ZFPM1: variants seen among roughly 807,000 people sequenced by gnomAD.
ZFPM1 encodes the protein zinc finger protein ZFPM1.
ZFPM1 carries 28 observed loss-of-function variants against 46.3 expected under a neutral mutation model. The observed-to-expected ratio is 0.60, with a 90% CI of 0.45 to 0.83. The LOEUF is 0.83. ZFPM1 is among the 40% of genes least tolerant of loss of function. ZFPM1 has a pLI of 0.00. For synonymous variants in ZFPM1, 957 were observed against 675.9 expected (o/e 1.42, Z -6.45); for missense variants, 1,878 against 1,432.4 (o/e 1.31, Z -5.02).
At chr16:88,528,686 G>A (rs776491215) in intron 6 of ZFPM1, among the ~76,000 whole-genome samples, 17 of 152,242 alleles carry the variant, frequency 1.1e-4, no homozygotes, top group Non-Finnish European at 1.6e-4. Context: ...ACTAGGTGCT[G>A]CCACCACCTC....
At chr16:88,532,749 TC>T (rs747958373) in intron 8 of ZFPM1, 39 bp from the exon 9 acceptor site, 5 of 1,612,500 alleles carry the variant, frequency 3.1e-6, no homozygotes, top group Non-Finnish European at 4.2e-6. Context: ...GGGTCCCGCC[TC>T]CCCGCCCTGG....
At chr16:88,492,117 C>T (rs1909614775) in intron 3 of ZFPM1, among the ~76,000 whole-genome samples, 1 of 151,992 alleles carries the variant, frequency 6.6e-6, no homozygotes, top group African/African-American at 2.4e-5. Flanking sequence ...CGCCTTCTCC[C>T]TCTCTCCCTT....
intron 7 of ZFPM1, 39 bp downstream of exon 7, chr16:88,532,274 G>A: frequency 6.5e-7 from 1 of 1,539,410 alleles, no homozygotes; most frequent in South Asian, 1.2e-5. Context: ...CAGGATGCCG[G>A]CTGCTTCCCC....
intron 3 of ZFPM1, 96 bp downstream of exon 3, chr16:88,489,249 C>T (rs911185451): frequency 2.7e-6 from 4 of 1,468,814 alleles, no homozygotes; most frequent in Non-Finnish European, 2.7e-6. Context: ...GGCAGGTGTG[C>T]AGGTTGCTGG....
intron 6 of ZFPM1, chr16:88,530,296 T>C (rs1993993): frequency 0.82 from 124,063 of 152,156 alleles, 52,391 homozygotes; most frequent in Non-Finnish European, 0.92. Context: ...TCCCAGTCCC[T>C]GAGGGGCAGC....
chr16:88,523,039 C>A (rs1912022154), intron 4 of ZFPM1, among the ~76,000 whole-genome samples: 1 of 152,160 alleles, frequency 6.6e-6, no homozygotes, highest in Admixed American at 6.5e-5. Context: ...AACCCCGTCC[C>A]TACTTAAACT....
intron 5 of ZFPM1, among the ~76,000 whole-genome samples, chr16:88,527,147 G>A (rs1208463740): frequency 2.0e-5 from 3 of 152,178 alleles, no homozygotes; most frequent in Non-Finnish European, 2.9e-5. Context: ...GCCAGGACAG[G>A]TGTCCGTGGC....
At chr16:88,459,790 C>T (rs1189334457) in intron 1 of ZFPM1, among the ~76,000 whole-genome samples, 4 of 116,174 alleles carry the variant, frequency 3.4e-5, no homozygotes, top group East Asian at 5.2e-4. Context: ...CCTCCTCCTC[C>T]CCCTCTTCCT....
Position 88,534,557 on chromosome 16 carries a change from G to A in ZFPM1, c.2599G>A (p.Gly867Arg). 7.4e-6 allele frequency: 10 copies of A among 1,345,144 alleles called. No homozygotes were observed. Among genetic ancestry groups the A allele is most frequent in the Non-Finnish European group, 9.5e-6 (10 of 1,050,252 alleles). The allele number at this position is 1,345,144 out of a possible 1,614,324, so 83.3% of individuals were successfully genotyped here. A position where few individuals can be genotyped will look rare whatever the true frequency, so the allele number is the denominator to read the frequency against. ...PYCPPNGPVR[G>R]DLLEHFRLAH... ...CTGCCCCCCGAACGGCCCGGTGCGC[G>A]GGGACCTGCTGGAGCATTTCCGCCT... Residue 867 changes from glycine (G) to arginine (R), a missense_variant, in exon 10 of 10, where the codon GGG (glycine) becomes AGG (arginine). Physicochemically the swap from Gly to Arg is moderately radical, Grantham distance 125. Coordinates refer to ENST00000319555, the MANE Select transcript of ZFPM1 (RefSeq NM_153813.3).
chr16:88,504,657 C>T (rs1029425529), intron 3 of ZFPM1, among the ~76,000 whole-genome samples: 14 of 152,182 alleles, frequency 9.2e-5, no homozygotes, highest in Admixed American at 3.3e-4. Flanking sequence ...ACATGGCCCC[C>T]CTGTGTACCG....
intron 3 of ZFPM1, among the ~76,000 whole-genome samples, chr16:88,491,437 C>T (rs1450725378): frequency 1.3e-5 from 2 of 152,230 alleles, no homozygotes; most frequent in African/African-American, 2.4e-5. Context: ...TGACCCAAGT[C>T]TCTGGAGGAG....
rs1913142036 is a variant in ZFPM1 at position 88,534,681 on chromosome 16, C to T, written c.2723C>T (p.Ala908Val). Residue 908 changes from alanine to valine, a missense_variant, in exon 10 of 10, where the codon GCC becomes GTC. Ala to Val is a moderately conservative substitution (Grantham distance 64, BLOSUM62 0). Transcript: ENST00000319555. ...RGPSPAPAPAASPQPGSRGPR... is the reference protein window; with the variant it reads ...RGPSPAPAPAVSPQPGSRGPR... Reference sequence around the variant, plus strand: ...CCCTCGCCCGCTCCCGCCCCCGCCGCCTCCCCGCAGCCCGGGTCCCGTGGC... The same window carrying T: ...CCCTCGCCCGCTCCCGCCCCCGCCGTCTCCCCGCAGCCCGGGTCCCGTGGC... The T allele has an allele frequency of 1.2e-5, 12 of 990,042 alleles. No individual in the cohort carries two copies. Among genetic ancestry groups the T allele is most frequent in the Non-Finnish European group, 1.4e-5 (12 of 834,780 alleles). The allele number at this position is 990,042 out of a possible 1,614,324, so 61.3% of individuals were successfully genotyped here.
intron 1 of ZFPM1, among the ~76,000 whole-genome samples, chr16:88,456,372 T>C (rs1907561706): frequency 6.6e-6 from 1 of 151,848 alleles, no homozygotes; most frequent in South Asian, 2.1e-4. Context: ...AAGAACCAAG[T>C]GTACACTGCT....
intron 3 of ZFPM1, among the ~76,000 whole-genome samples, chr16:88,511,543 C>A (rs942674363): frequency 6.6e-6 from 1 of 152,190 alleles, no homozygotes; most frequent in African/African-American, 2.4e-5. Context: ...CACCCTCACT[C>A]ACGGACACTT....
intron 1 of ZFPM1, among the ~76,000 whole-genome samples, chr16:88,461,184 G>A (rs1197002643): frequency 1.3e-4 from 11 of 83,654 alleles, no homozygotes; most frequent in African/African-American, 2.4e-4. Flanking sequence ...ACCGAGGGGC[G>A]GGGCGGGAGG....
intron 6 of ZFPM1, 56 bp downstream of exon 6, chr16:88,528,294 A>G (rs1470763584): frequency 2.1e-6 from 3 of 1,404,466 alleles, no homozygotes; most frequent in Non-Finnish European, 2.9e-6. Context: ...AGGAGCAGGC[A>G]GGGCAGGAGA....
At chr16:88,476,934 C>G (rs1334662729) in intron 1 of ZFPM1, among the ~76,000 whole-genome samples, 2 of 152,238 alleles carry the variant, frequency 1.3e-5, no homozygotes, top group Admixed American at 6.5e-5. Context: ...CCCTGGCCCC[C>G]CAAGGGCAGT....
chr16:88,486,183 A>C, intron 2 of ZFPM1, 140 bp downstream of exon 2: 8 of 907,610 alleles, frequency 8.8e-6, no homozygotes, highest in Non-Finnish European at 1.3e-5. Flanking sequence ...TCTTCCAGCC[A>C]GAGGCCTGTT....
intron 1 of ZFPM1, among the ~76,000 whole-genome samples, chr16:88,460,691 C>G (rs1274187930): frequency 2.6e-5 from 4 of 152,210 alleles, no homozygotes; most frequent in African/African-American, 4.8e-5. Flanking sequence ...ATAACAGGGT[C>G]CCTCCTATCC....
Sources: allele counts gnomAD v4.1 joint callset (sites outside exome capture counted in the v4.1 genomes callset), GRCh38; gene constraint gnomAD v4.1.1; transcripts MANE v1.5; gene names NCBI Gene and HGNC (gene_info 2026-07-23, HGNC 2026-07-21).